Variants in KLF7 observed in about 807,000 individuals in gnomAD.
The protein encoded by KLF7 is KLF transcription factor 7, also known as Krueppel-like factor 7.
KLF7 carries 2 observed loss-of-function variants against 27.3 expected under a neutral mutation model. The ratio of observed to expected loss-of-function variants is 0.07; its 90% confidence interval spans 0.03 to 0.23. KLF7 has a LOEUF of 0.23. Among genes scored for constraint, KLF7 ranks in the 10% least tolerant of loss-of-function variants. The pLI is 1.00. For missense variants in KLF7, 221 were observed against 394.1 expected, an observed-to-expected ratio of 0.56 and a Z score of 3.72; for synonymous variants, 165 against 162.4, an observed-to-expected ratio of 1.02 and a Z score of -0.12.
At position 207,158,438 on chromosome 2, in the gene KLF7, T is replaced by C. The variant is rs116894550; in HGVS notation, c.102+7029A>G. Among the ~76,000 whole-genome samples the C allele has an allele frequency of 1.0e-3, 154 of 152,310 alleles. 1 individual carries two copies. The East Asian group carries it at 0.026, about 26-fold the overall frequency. On this transcript the variant is annotated intron_variant, in intron 1 of 3. Coordinates refer to ENST00000309446, the MANE Select transcript of KLF7 (RefSeq NM_003709.4). ...AAAAAGATTTTCATCAACTGGTACA[T>C]GGGTTGCTGGTAAAGTTTCGGGCAC...
chr2:207,142,712 AGTGTGAGCAAGG>A (rs1437232844), intron 1 of KLF7, among the ~76,000 whole-genome samples: 1 of 152,166 alleles, frequency 6.6e-6, no homozygotes, highest in East Asian at 1.9e-4. Context: ...AAGTGCACAC[AGTGTGAGCAAGG>A]GTGTAGAGAG....
intron 2 of KLF7, among the ~76,000 whole-genome samples, chr2:207,100,748 C>G (rs145966372): frequency 6.6e-6 from 1 of 152,306 alleles, no homozygotes; most frequent in African/African-American, 2.4e-5. Context: ...CAGTTATTTA[C>G]TATTTCCTGT....
intron 1 of KLF7, among the ~76,000 whole-genome samples, chr2:207,144,393 G>A (rs778369847): frequency 3.3e-5 from 5 of 152,128 alleles, no homozygotes; most frequent in South Asian, 2.1e-4. Flanking sequence ...TTGGGTTACC[G>A]ACAAGTACCC....
At chr2:207,154,643 A>G (rs890737731) in intron 1 of KLF7, among the ~76,000 whole-genome samples, 20 of 152,172 alleles carry the variant, frequency 1.3e-4, no homozygotes, top group African/African-American at 4.8e-4. Context: ...TGAGAGAAAG[A>G]GCATTGTGCC....
At chr2:207,152,558 G>C (rs1412037556) in intron 1 of KLF7, among the ~76,000 whole-genome samples, 1 of 152,204 alleles carries the variant, frequency 6.6e-6, no homozygotes, top group African/African-American at 2.4e-5. Context: ...AGCCCAGGCA[G>C]GGGGAGGGGT....
At chr2:207,134,478 T>C (rs578177440) in intron 1 of KLF7, among the ~76,000 whole-genome samples, 1 of 152,168 alleles carries the variant, frequency 6.6e-6, no homozygotes, top group East Asian at 1.9e-4. Context: ...CTGCGGAATG[T>C]TAAAGACAAG....
In KLF7 at chr2:207,074,325, T is replaced by C. The variant is rs1301901852; in HGVS notation, c.*6888A>G. ...GAATGACACCACTTCTCTCGGGGAA[T>C]CGCTGAGCTCGGGATGCTGAGGCGA... On this transcript the variant is annotated 3_prime_UTR_variant, in exon 4 of 4. Transcript: ENST00000309446. 2 of 152,236 alleles carry C rather than the reference T, an allele frequency of 1.3e-5. No individual in the cohort carries two copies. The highest frequency in any genetic ancestry group is 1.5e-5 in the Non-Finnish European group (1 of 68,064). 9.4% of individuals were successfully genotyped at this position (152,236 alleles called of 1,614,324 possible). A position where few individuals can be genotyped will look rare whatever the true frequency, so the allele number is the denominator to read the frequency against.
intron 1 of KLF7, among the ~76,000 whole-genome samples, chr2:207,143,566 G>A (rs1006005202): frequency 6.6e-6 from 1 of 152,138 alleles, no homozygotes; most frequent in African/African-American, 2.4e-5. Context: ...AAGCAAAAAG[G>A]AAACCTCACC....
chr2:207,123,651 C>T (rs1487678526), intron 2 of KLF7, 123 bp downstream of exon 2: 4 of 1,080,120 alleles, frequency 3.7e-6, no homozygotes, highest in African/African-American at 1.6e-5. Context: ...TGGGGCCTCC[C>T]GCCTGTCTAT....
intron 3 of KLF7, among the ~76,000 whole-genome samples, chr2:207,087,816 T>A (rs1405459392): frequency 6.6e-6 from 1 of 152,202 alleles, no homozygotes; most frequent in African/African-American, 2.4e-5. Flanking sequence ...TTGGGTAGTA[T>A]CTGTTGCTAC....
chr2:207,152,807 A>C (rs1019663773), intron 1 of KLF7, among the ~76,000 whole-genome samples: 1 of 152,186 alleles, frequency 6.6e-6, no homozygotes, highest in Non-Finnish European at 1.5e-5. Flanking sequence ...AACATTTTGG[A>C]GCGGAAGGTG....
chr2:207,169,701 A>G (rs947664549), upstream of KLF7, among the ~76,000 whole-genome samples: 4 of 152,172 alleles, frequency 2.6e-5, no homozygotes, highest in African/African-American at 4.8e-5. Flanking sequence ...GTCTCTGTGT[A>G]ACATTTTGGT....
At chr2:207,167,849 CT>C (rs2078753185), upstream of KLF7, among the ~76,000 whole-genome samples, 1 of 152,184 alleles carries the variant, frequency 6.6e-6, no homozygotes, top group African/African-American at 2.4e-5. Context: ...GGTAACTCAC[CT>C]AGCATAGTAT....
At chr2:207,147,619 C>A (rs993312466) in intron 1 of KLF7, among the ~76,000 whole-genome samples, 4 of 152,152 alleles carry the variant, frequency 2.6e-5, no homozygotes, top group African/African-American at 9.7e-5. Flanking sequence ...CCCACTCCAC[C>A]CTCTGCCATG....
rs186901025 is a variant in KLF7 at position 207,157,843 on chromosome 2, A to G, written c.102+7624T>C. On this transcript the variant is annotated intron_variant, in intron 1 of 3. Coordinates refer to ENST00000309446, the MANE Select transcript of KLF7 (RefSeq NM_003709.4). ...GAAAAAGAAAGGAGTTACAATGACT[A>G]GAATGTCAAACCTAGATCATGAGAC... Among the ~76,000 whole-genome samples, 733 of 152,368 alleles carry G rather than the reference A, an allele frequency of 4.8e-3. 7 individuals carry two copies. Among genetic ancestry groups the G allele is most frequent in the Non-Finnish European group, 7.6e-3 (517 of 68,030 alleles).
chr2:207,130,677 C>T (rs551109397), intron 1 of KLF7, among the ~76,000 whole-genome samples: 1 of 152,292 alleles, frequency 6.6e-6, no homozygotes, highest in African/African-American at 2.4e-5. Context: ...AATACCATCA[C>T]TTTTCAAACA....
At chr2:207,083,700 G>A (rs1327070647) in intron 3 of KLF7, among the ~76,000 whole-genome samples, 1 of 152,198 alleles carries the variant, frequency 6.6e-6, no homozygotes, top group Non-Finnish European at 1.5e-5. Flanking sequence ...TTAAAGTTGT[G>A]GATGGAATTA....
At chr2:207,166,767 G>A (rs2078725102), upstream of KLF7, 6 of 986,596 alleles carry the variant, frequency 6.1e-6, no homozygotes, top group Non-Finnish European at 7.2e-6. Flanking sequence ...TCAAAAACAA[G>A]CAGAAAAGGC....
chr2:207,154,396 G>A (rs953748558), intron 1 of KLF7, among the ~76,000 whole-genome samples: 2 of 152,200 alleles, frequency 1.3e-5, no homozygotes, highest in Non-Finnish European at 2.9e-5. Flanking sequence ...ACATTTGCAT[G>A]AACAAGCCAA....
Sources: allele counts gnomAD v4.1 joint callset (sites outside exome capture counted in the v4.1 genomes callset), GRCh38; gene constraint gnomAD v4.1.1; transcripts MANE v1.5; gene names NCBI Gene and HGNC (gene_info 2026-07-23, HGNC 2026-07-21).